Variants in RIMS1 observed in about 807,000 individuals in gnomAD.
RIMS1 encodes regulating synaptic membrane exocytosis 1.
In RIMS1, 83 loss-of-function variants were observed where a neutral mutation model predicts 214.1. That is an observed-to-expected ratio of 0.39 (90% CI 0.32 to 0.47). The LOEUF is 0.47. RIMS1 is among the 20% of genes least tolerant of loss of function. The pLI, the probability that RIMS1 is intolerant of heterozygous loss-of-function variation, is 0.99. For synonymous variants in RIMS1, 793 were observed against 786.8 expected, an observed-to-expected ratio of 1.01 and a Z score of -0.13; for missense variants, 2,050 against 2,161.8, an observed-to-expected ratio of 0.95 and a Z score of 1.03.
intron 28 of RIMS1, among the ~76,000 whole-genome samples, chr6:72,331,919 G>T (rs555779490): frequency 1.5e-4 from 23 of 151,898 alleles, no homozygotes; most frequent in Admixed American, 2.6e-4. Context: ...TCCTCATCAA[G>T]TAGAGGTCTC....
chr6:72,197,954 A>G (rs1310655992), intron 6 of RIMS1, among the ~76,000 whole-genome samples: 1 of 152,144 alleles, frequency 6.6e-6, no homozygotes, highest in East Asian at 1.9e-4. Flanking sequence ...GGTCATATAC[A>G]AAAAAGAGTT....
intron 28 of RIMS1, among the ~76,000 whole-genome samples, chr6:72,332,412 A>G (rs1218054957): frequency 6.6e-6 from 1 of 151,330 alleles, no homozygotes; most frequent in African/African-American, 2.4e-5. Flanking sequence ...TCCTAACATC[A>G]TTCTCAGTAA....
chr6:72,279,059 A>T (rs188040548), intron 23 of RIMS1, among the ~76,000 whole-genome samples: 4 of 152,102 alleles, frequency 2.6e-5, no homozygotes, highest in Admixed American at 2.6e-4. Context: ...GTCTTAAATA[A>T]TTATGATTTT....
intron 6 of RIMS1, among the ~76,000 whole-genome samples, chr6:72,231,049 T>C (rs2061782341): frequency 6.6e-6 from 1 of 151,646 alleles, no homozygotes; most frequent in South Asian, 2.1e-4. Context: ...GCAGCCAATA[T>C]CTTTAATCAA....
chr6:71,942,666 A>G (rs767913131), intron 1 of RIMS1, among the ~76,000 whole-genome samples: 13 of 152,096 alleles, frequency 8.5e-5, no homozygotes, highest in Admixed American at 5.9e-4. Context: ...ACCTGTTACT[A>G]TATTATCAGA....
At chr6:72,208,126 A>G (rs1034009352) in intron 6 of RIMS1, among the ~76,000 whole-genome samples, 1 of 152,198 alleles carries the variant, frequency 6.6e-6, no homozygotes, top group Non-Finnish European at 1.5e-5. Flanking sequence ...CCGTAATGAA[A>G]GAAGGATGAA....
intron 4 of RIMS1, among the ~76,000 whole-genome samples, chr6:72,119,037 G>T (rs1430453525): frequency 2.6e-5 from 4 of 151,642 alleles, no homozygotes; most frequent in Non-Finnish European, 5.9e-5. Flanking sequence ...TCAAACAGTT[G>T]CTGTTCGCCA....
chr6:72,073,086 T>G lies in RIMS1; in HGVS notation c.246-23863T>G, dbSNP rs1423959280. Among the ~76,000 whole-genome samples, 4 of 152,190 alleles carry G rather than the reference T, an allele frequency of 2.6e-5. No individual in the cohort carries two copies. In the East Asian group the frequency reaches 7.7e-4, roughly 29 times the overall value. Reference sequence around the variant, plus strand: ...AGAAGGGTATTTCGAGCCCTGACTGTGGAGCAAATGGCGTGAGATACTCAG... The same window carrying G: ...AGAAGGGTATTTCGAGCCCTGACTGGGGAGCAAATGGCGTGAGATACTCAG... On this transcript the variant is annotated intron_variant, in intron 2 of 33. Transcript: ENST00000521978.
intron 2 of RIMS1, among the ~76,000 whole-genome samples, chr6:72,072,268 A>G (rs1447272455): frequency 6.6e-6 from 1 of 152,242 alleles, no homozygotes; most frequent in East Asian, 1.9e-4. Context: ...CTATTTGCAG[A>G]GTATTTTTTA....
intron 26 of RIMS1, among the ~76,000 whole-genome samples, chr6:72,306,017 T>C (rs1055422265): frequency 6.6e-6 from 1 of 152,160 alleles, no homozygotes; most frequent in Admixed American, 6.6e-5. Flanking sequence ...TTTCTTTTTT[T>C]AAAGTGTGTG....
chr6:72,172,951 T>C (rs931795064), intron 4 of RIMS1, among the ~76,000 whole-genome samples: 55 of 152,176 alleles, frequency 3.6e-4, no homozygotes, highest in African/African-American at 1.3e-3. Context: ...CCTTAACATT[T>C]GCTCTTCTGT....
intron 2 of RIMS1, among the ~76,000 whole-genome samples, chr6:72,026,699 A>T (rs1816622394): frequency 6.6e-6 from 1 of 152,176 alleles, no homozygotes; most frequent in South Asian, 2.1e-4. Context: ...AGATAGAAAG[A>T]TCATTTCCAC....
At chr6:72,389,392 T>C (rs552158120) in intron 29 of RIMS1, among the ~76,000 whole-genome samples, 6 of 152,198 alleles carry the variant, frequency 3.9e-5, no homozygotes, top group African/African-American at 1.4e-4. Context: ...CAATAAAAAA[T>C]AAAAATTTTA....
At position 72,284,037 on chromosome 6, in the gene RIMS1, C is replaced by A; in HGVS notation, c.3483-10C>A. ...ATCATATATTTTGTGTTTAACATTT[C>A]ATTCCACAGGCACTCCAGAAAGTCT... On this transcript the variant is annotated splice_polypyrimidine_tract_variant and intron_variant, in intron 23 of 33. Transcript: ENST00000521978. 1 of 1,608,570 alleles carries A rather than the reference C, an allele frequency of 6.2e-7. No individual in the cohort carries two copies. The highest frequency in any genetic ancestry group is 1.1e-5 in the South Asian group (1 of 90,936).
intron 28 of RIMS1, chr6:72,317,358 C>T (rs116359767): frequency 0.013 from 2,918 of 216,750 alleles, 40 homozygotes; most frequent in African/African-American, 0.034. Context: ...TTATGTCGAC[C>T]GCCCAGAAGT....
chr6:72,142,772 A>G (rs2042228366), intron 4 of RIMS1, among the ~76,000 whole-genome samples: 1 of 152,178 alleles, frequency 6.6e-6, no homozygotes, highest in Non-Finnish European at 1.5e-5. Context: ...AAACAGCAGG[A>G]GGACACTTAC....
intron 2 of RIMS1, among the ~76,000 whole-genome samples, chr6:71,987,183 C>G (rs1584240834): frequency 6.6e-6 from 1 of 152,188 alleles, no homozygotes; most frequent in South Asian, 2.1e-4. Flanking sequence ...ATAAATGATA[C>G]TGTATAAACC....
chr6:71,940,273 A>G (rs1241394578), intron 1 of RIMS1, among the ~76,000 whole-genome samples: 2 of 152,214 alleles, frequency 1.3e-5, no homozygotes, highest in Non-Finnish European at 2.9e-5. Context: ...GAAATAAAAT[A>G]TTACTGTACT....
chr6:72,088,133 C>A (rs948271584), intron 2 of RIMS1, among the ~76,000 whole-genome samples: 5 of 151,992 alleles, frequency 3.3e-5, no homozygotes, highest in Non-Finnish European at 7.4e-5. Flanking sequence ...GAATATTGTT[C>A]CATAAATTTT....
Sources: allele counts gnomAD v4.1 joint callset (sites outside exome capture counted in the v4.1 genomes callset), GRCh38; gene constraint gnomAD v4.1.1; transcripts MANE v1.5; gene names NCBI Gene and HGNC (gene_info 2026-07-23, HGNC 2026-07-21).